Variants in PFKL observed in about 807,000 individuals in gnomAD.
PFKL encodes phosphofructokinase, liver type.
Under a neutral mutation model 92.1 loss-of-function variants are expected in PFKL, and 74 were observed. That is an observed-to-expected ratio of 0.80 (90% CI 0.67 to 0.97). The LOEUF (loss-of-function observed/expected upper bound fraction) is 0.97, where lower values mean the gene tolerates loss of function less well. Among genes scored for constraint, PFKL ranks in the 50% least tolerant of loss-of-function variants. The probability of loss-of-function intolerance (pLI) is 0.00; values close to 1 mark genes in which losing one functional copy is unlikely to be tolerated. For missense variants in PFKL, 1,028 were observed against 1,116.6 expected, an observed-to-expected ratio of 0.92 and a Z score of 1.13; for synonymous variants, 494 against 456.4, an observed-to-expected ratio of 1.08 and a Z score of -1.05.
Position 44,323,033 on chromosome 21 carries a change from T to G in PFKL, c.1481T>G (p.Val494Gly). ...ATCTATGGTATTCACGCCCTGCTGG[T>G]GGTCGGTGGGTTTGAGGTGAGAGCT... ...IRIYGIHALL[V>G]VGGFEAYEGV... is the part of the protein sequence containing the mutation. Residue 494 changes from valine to glycine, a missense_variant, in exon 15 of 22, where the codon GTG becomes GGG. Physicochemically the swap from Val to Gly is moderately radical, Grantham distance 109. Coordinates refer to ENST00000349048, the MANE Select transcript of PFKL (RefSeq NM_002626.6). The G allele has an allele frequency of 6.2e-7, 1 of 1,613,124 alleles. No homozygotes were observed. The highest frequency in any genetic ancestry group is 1.1e-5 in the South Asian group (1 of 91,064).
At chr21:44,306,645 A>C in intron 1 of PFKL, 36 bp from the exon 2 acceptor site, 1 of 1,595,774 alleles carries the variant, frequency 6.3e-7, no homozygotes, top group Non-Finnish European at 8.6e-7. Context: ...CTTGCTTCTC[A>C]GCGTGGGACT....
chr21:44,300,225 G>T, intron 1 of PFKL, 35 bp downstream of exon 1: 1 of 1,002,890 alleles, frequency 1.0e-6, no homozygotes, highest in African/African-American at 1.7e-5. Context: ...GCGGCGCAGG[G>T]GGTGGAGGGC....
Position 44,326,034 on chromosome 21 carries a change from A to G in PFKL, c.2063A>G (p.Glu688Gly), listed in dbSNP as rs139092292. The change falls in exon 20 of 22, where the codon GAG becomes GGG. Residue 688 changes from glutamate to glycine, a missense_variant. Physicochemically the swap from Glu to Gly is moderately conservative, Grantham distance 98. Coordinates refer to ENST00000349048, the MANE Select transcript of PFKL (RefSeq NM_002626.6). ...GTGAAGGCCATGCTGTGGTTGTCGG[A>G]GAAGCTGCGCGAGGTTTACCGCAAG... is the stretch of plus-strand genomic sequence containing the variant. ...LGVKAMLWLSEKLREVYRKGR... is the reference protein window; with the variant it reads ...LGVKAMLWLSGKLREVYRKGR... 87 of 1,613,856 alleles carry G rather than the reference A, an allele frequency of 5.4e-5. No homozygotes were observed. In the African/African-American group the frequency reaches 1.1e-3, roughly 20 times the overall value.
intron 2 of PFKL, chr21:44,307,206 G>A: frequency 1.1e-6 from 1 of 909,590 alleles, no homozygotes; most frequent in Non-Finnish European, 1.3e-6. Context: ...CCAGACCCGG[G>A]GGGCAGCCGC....
At position 44,305,823 on chromosome 21, in the gene PFKL, C is replaced by G. The variant is rs375427651; in HGVS notation, c.86-858C>G. ...AGGAAACTGGCTTTGCCAAGGCCCC[C>G]GCTGGGACAGACTGTTTCTTTCACT... is the stretch of plus-strand genomic sequence containing the variant. On this transcript the variant is annotated intron_variant, in intron 1 of 21. Transcript: ENST00000349048. 5 of 1,366,772 alleles carry G rather than the reference C, an allele frequency of 3.7e-6. No individual in the cohort carries two copies. In the African/African-American group the frequency reaches 5.9e-5, roughly 16 times the overall value. 84.7% of individuals were successfully genotyped at this position (1,366,772 alleles called of 1,614,324 possible). A position where few individuals can be genotyped will look rare whatever the true frequency, so the allele number is the denominator to read the frequency against.
rs2047381858 is a variant in PFKL, at chr21:44,322,460, GTCCC to G, written c.1409+259_1409+262del. The stretch of plus-strand genomic sequence containing the variant: ...GTGGCAAGGAAGCTGGCGAGCGTCT[GTCCC>G]TGCCTGGCCAGGCCAGGCAGCCTGC... On this transcript the variant is annotated intron_variant, in intron 14 of 21. Transcript: ENST00000349048. Among the ~76,000 whole-genome samples, 9 of 152,330 alleles carry G rather than the reference GTCCC, an allele frequency of 5.9e-5. No homozygotes were observed. In the South Asian group the frequency reaches 1.9e-3, roughly 32 times the overall value.
intron 1 of PFKL, chr21:44,304,394 G>C (rs1222857201): frequency 1.6e-6 from 2 of 1,260,296 alleles, no homozygotes; most frequent in East Asian, 6.2e-5. Flanking sequence ...GTGGTTGGAC[G>C]GTGGCCTGGG....
chr21:44,323,689 G>C, intron 15 of PFKL, 77 bp from the exon 16 acceptor site: 2 of 1,478,568 alleles, frequency 1.4e-6, no homozygotes, highest in Non-Finnish European at 1.8e-6. Context: ...AGGGCTGGGC[G>C]GCCGCCGGCA....
At chr21:44,325,318 C>T in intron 19 of PFKL, 54 bp downstream of exon 19, 1 of 1,248,372 alleles carries the variant, frequency 8.0e-7, no homozygotes, top group Non-Finnish European at 1.2e-6. Flanking sequence ...CTGCCACCAT[C>T]TGTCCCCGGC....
intron 1 of PFKL, 79 bp from the exon 2 acceptor site, chr21:44,306,602 C>A (rs1284812105): frequency 1.5e-6 from 2 of 1,302,456 alleles, no homozygotes; most frequent in Non-Finnish European, 2.2e-6. Context: ...TCCCCTACCC[C>A]CTGTCCTCTG....
chr21:44,315,878 C>T (rs770922891), intron 7 of PFKL: 1 of 312,818 alleles, frequency 3.2e-6, no homozygotes, highest in Non-Finnish European at 6.2e-6. Flanking sequence ...TGCCCTGTGC[C>T]CCGTGGAGCT....
At chr21:44,317,084 C>T (rs2047229239) in intron 9 of PFKL, among the ~76,000 whole-genome samples, 1 of 152,208 alleles carries the variant, frequency 6.6e-6, no homozygotes, top group South Asian at 2.1e-4. Context: ...TGGTCCTGAT[C>T]ACCGCTGGGT....
Position 44,318,504 on chromosome 21 carries a change from T to C in PFKL, c.971T>C (p.Leu324Pro). The C allele has an allele frequency of 6.4e-7, 1 of 1,573,260 alleles. No homozygotes were observed. The highest frequency in any genetic ancestry group is 8.7e-7 in the Non-Finnish European group (1 of 1,154,014). Residue 324 changes from leucine (L) to proline (P), a missense_variant, in exon 10 of 22, where the codon CTG (leucine) becomes CCG (proline). Transcript: ENST00000349048. ...ATGGGCATGGAGGCGGTGATGGCGC[T>C]GCTGGAAGCCACGCCTGACACGCCG... ...SKMGMEAVMA[L>P]LEATPDTPAC... is the part of the protein sequence containing the mutation.
chr21:44,302,928 A>T (rs62220377), intron 1 of PFKL, among the ~76,000 whole-genome samples: 1 of 152,174 alleles, frequency 6.6e-6, no homozygotes, highest in Non-Finnish European at 1.5e-5. Context: ...ACCTGTGCAA[A>T]GGTAGCTAGA....
chr21:44,303,419 A>G (rs1402461129), intron 1 of PFKL, among the ~76,000 whole-genome samples: 1 of 144,178 alleles, frequency 6.9e-6, no homozygotes, highest in Non-Finnish European at 1.5e-5. Flanking sequence ...TCAAAAAAAA[A>G]AAACAGACTT....
At chr21:44,303,223 A>ACT (rs1209221743) in intron 1 of PFKL, among the ~76,000 whole-genome samples, 3 of 145,268 alleles carry the variant, frequency 2.1e-5, no homozygotes, top group East Asian at 2.0e-4. Flanking sequence ...ACAGAGCGAG[A>ACT]CTCTGTTGCA....
chr21:44,319,483 CA>C, intron 11 of PFKL, 68 bp downstream of exon 11: 4 of 1,339,658 alleles, frequency 3.0e-6, no homozygotes, highest in Non-Finnish European at 4.3e-6. Context: ...GCATGTGCTG[CA>C]GTGGCGCTAT....
intron 1 of PFKL, chr21:44,304,297 C>A: frequency 7.8e-7 from 1 of 1,289,094 alleles, no homozygotes; most frequent in African/African-American, 1.5e-5. Context: ...GCCCACCAGG[C>A]CCCCTGCTGA....
chr21:44,324,486 C>G lies in PFKL; in HGVS notation c.1651-5C>G. 6.2e-7 allele frequency: 1 copy of G among 1,613,104 alleles called. No individual in the cohort carries two copies. Among genetic ancestry groups the G allele is most frequent in the Non-Finnish European group, 8.5e-7 (1 of 1,179,786 alleles). ...GAGGACCCCCGACCCCCCCTTGTCCCCCAGAGCTGTGACCGCATCAAACAG... is the reference window on the plus strand; with the variant it reads ...GAGGACCCCCGACCCCCCCTTGTCCGCCAGAGCTGTGACCGCATCAAACAG... On this transcript the variant is annotated splice_region_variant and splice_polypyrimidine_tract_variant and intron_variant, in intron 16 of 21. Transcript: ENST00000349048.
Sources: gnomAD v4.1 joint callset for allele counts (sites outside exome capture counted in the v4.1 genomes callset) on GRCh38, gnomAD v4.1.1 for gene constraint, MANE v1.5 for transcripts, NCBI Gene and HGNC (gene_info 2026-07-23, HGNC 2026-07-21) for gene names.